Variants in S100A10 observed in about 807,000 individuals in gnomAD.
S100A10 encodes protein S100-A10.
A neutral mutation model predicts 7.1 loss-of-function variants in S100A10; 3 were observed. The observed-to-expected ratio is 0.42, with a 90% confidence interval of 0.19 to 1.10. The LOEUF is 1.10. Ranked by LOEUF, S100A10 falls within the 50% of genes least tolerant of loss-of-function variation. S100A10 has a pLI of 0.29. For synonymous variants in S100A10, 41 were observed against 39.3 expected (o/e 1.04, Z -0.16); for missense variants, 101 against 118.1 (o/e 0.86, Z 0.67).
intron 1 of S100A10, among the ~76,000 whole-genome samples, chr1:151,987,641 G>A (rs895707235): frequency 2.0e-5 from 3 of 147,984 alleles, no homozygotes; most frequent in Non-Finnish European, 4.4e-5. Flanking sequence ...CTGGATTCAC[G>A]GCATTCTCCT....
At chr1:151,985,805 T>C (rs966393815) in intron 2 of S100A10, among the ~76,000 whole-genome samples, 14 of 152,232 alleles carry the variant, frequency 9.2e-5, no homozygotes, top group African/African-American at 3.1e-4. Flanking sequence ...ACAGCTCATA[T>C]TGTGGTTATT....
At chr1:151,985,469 T>C (rs1034314880) in intron 2 of S100A10, 2 of 152,220 alleles carry the variant, frequency 1.3e-5, no homozygotes, top group South Asian at 2.1e-4. Flanking sequence ...TTCAAACTGC[T>C]CCTGTGCTGT....
At chr1:151,983,948 T>C (rs1655744687) in intron 2 of S100A10, 1 of 152,246 alleles carries the variant, frequency 6.6e-6, no homozygotes, top group Non-Finnish European at 1.5e-5. Context: ...CTGGATGTTG[T>C]ACACTGGACC....
At chr1:151,985,045 G>A (rs1655763880) in intron 2 of S100A10, 1 of 152,600 alleles carries the variant, frequency 6.6e-6, no homozygotes, top group Non-Finnish European at 1.5e-5. Context: ...AACTGATATT[G>A]ATGACATACG....
chr1:151,983,433 CTCT>C (rs1553185373), intron 2 of S100A10, 109 bp from the exon 3 acceptor site: 9 of 614,818 alleles, frequency 1.5e-5, no homozygotes, highest in Non-Finnish European at 2.0e-5. Flanking sequence ...ATTACTTGAG[CTCT>C]TGTTTTAGGT....
chr1:151,991,299 T>C (rs1317338541), intron 1 of S100A10, among the ~76,000 whole-genome samples: 1 of 152,224 alleles, frequency 6.6e-6, no homozygotes, highest in African/African-American at 2.4e-5. Flanking sequence ...GCTGTCTCTC[T>C]CACCTCTCAC....
chr1:151,991,503 G>A (rs967829149), intron 1 of S100A10, among the ~76,000 whole-genome samples: 2 of 152,168 alleles, frequency 1.3e-5, no homozygotes, highest in Non-Finnish European at 2.9e-5. Context: ...AAATCCTTTG[G>A]TAGGATGGGT....
Position 151,983,234 on chromosome 1 carries a change from G to A in S100A10, c.223C>T (p.Leu75=). 6.2e-7 allele frequency: 1 copy of A among 1,606,722 alleles called. No homozygotes were observed. The highest frequency in any genetic ancestry group is 8.5e-7 in the Non-Finnish European group (1 of 1,177,178). ...GKVGFQSFFS[L]IAGLTIACND... is the part of the protein sequence containing the mutation. ...CATGCAATGGTGAGGCCCGCAATTA[G>A]GGAAAAGAAGCTCTGGAAGCCCACT... The change falls in exon 3 of 3, where the codon CTA becomes TTA. Residue 75 remains leucine (L), a synonymous_variant. Coordinates refer to ENST00000368811, the MANE Select transcript of S100A10 (RefSeq NM_002966.3).
chr1:151,991,943 G>GA (rs764723682), intron 1 of S100A10, among the ~76,000 whole-genome samples: 4 of 152,160 alleles, frequency 2.6e-5, no homozygotes, highest in Non-Finnish European at 4.4e-5. Context: ...GCATCACCCA[G>GA]AAAGCAGGGT....
intron 1 of S100A10, among the ~76,000 whole-genome samples, chr1:151,988,809 G>C (rs1364020114): frequency 6.6e-6 from 1 of 152,132 alleles, no homozygotes; most frequent in Non-Finnish European, 1.5e-5. Context: ...GCCTGGACTG[G>C]TACTCCAAGT....
At chr1:151,984,097 T>A (rs1655746813) in intron 2 of S100A10, 1 of 152,206 alleles carries the variant, frequency 6.6e-6, no homozygotes, top group African/African-American at 2.4e-5. Flanking sequence ...GCTTCAGCAC[T>A]CCTTTTTGTA....
Position 151,983,128 on chromosome 1 carries a change from C to T in S100A10, c.*35G>A. On this transcript the variant is annotated 3_prime_UTR_variant, in exon 3 of 3. Transcript: ENST00000368811. ...TTCCTTAAGCGACCCTTTGGGACAA[C>T]TCTTATCAGGGAGGAGCGAACTGCT... 1 of 1,473,606 alleles carries T rather than the reference C, an allele frequency of 6.8e-7. No homozygotes were observed. Among genetic ancestry groups the T allele is most frequent in the South Asian group, 1.5e-5 (1 of 66,184 alleles). The allele number at this position is 1,473,606 out of a possible 1,614,324, so 91.3% of individuals were successfully genotyped here.
chr1:151,989,208 A>T (rs1446781778), intron 1 of S100A10, among the ~76,000 whole-genome samples: 1 of 152,186 alleles, frequency 6.6e-6, no homozygotes, highest in Non-Finnish European at 1.5e-5. Flanking sequence ...TCTACCTCAC[A>T]CTGTGTGAGT....
At chr1:151,986,071 G>C in intron 2 of S100A10, 28 bp downstream of exon 2, 1 of 1,564,146 alleles carries the variant, frequency 6.4e-7, no homozygotes, top group Non-Finnish European at 8.6e-7. Flanking sequence ...TTTTATGTCT[G>C]GTTCTTTGTA....
chr1:151,990,655 G>A (rs745308396), intron 1 of S100A10, among the ~76,000 whole-genome samples: 5 of 152,094 alleles, frequency 3.3e-5, no homozygotes, highest in Non-Finnish European at 4.4e-5. Flanking sequence ...TCCCAGACAT[G>A]GTGTTAGGCA....
intron 2 of S100A10, among the ~76,000 whole-genome samples, chr1:151,984,857 G>A (rs1423596777): frequency 6.6e-6 from 1 of 152,184 alleles, no homozygotes; most frequent in Non-Finnish European, 1.5e-5. Flanking sequence ...CTAGAGAGCT[G>A]AAGCAACCTG....
intron 1 of S100A10, among the ~76,000 whole-genome samples, chr1:151,988,803 G>C (rs1354661865): frequency 6.6e-6 from 1 of 152,132 alleles, no homozygotes; most frequent in East Asian, 1.9e-4. Flanking sequence ...TGCCTTGCCT[G>C]GACTGGTACT....
chr1:151,983,109 A>T lies in S100A10; in HGVS notation c.*54T>A, dbSNP rs559022205. On this transcript the variant is annotated 3_prime_UTR_variant, in exon 3 of 3. Transcript: ENST00000368811. ...GGGGAAGCTGTGGGGCAGATTCCTTAAGCGACCCTTTGGGACAACTCTTAT... is the reference window on the plus strand; with the variant it reads ...GGGGAAGCTGTGGGGCAGATTCCTTTAGCGACCCTTTGGGACAACTCTTAT... 2.3e-6 allele frequency: 3 copies of T among 1,324,860 alleles called. No homozygotes were observed. Among genetic ancestry groups the T allele is most frequent in the African/African-American group, 1.5e-5 (1 of 67,452 alleles). The allele number at this position is 1,324,860 out of a possible 1,614,324, so 82.1% of individuals were successfully genotyped here.
At chr1:151,987,368 CT>C (rs1187646059) in intron 1 of S100A10, among the ~76,000 whole-genome samples, 1 of 151,884 alleles carries the variant, frequency 6.6e-6, no homozygotes, top group East Asian at 1.9e-4. Context: ...TCTCTTGGCA[CT>C]AGTAAATGGG....
Sources: allele counts gnomAD v4.1 joint callset (sites outside exome capture counted in the v4.1 genomes callset), GRCh38; gene constraint gnomAD v4.1.1; transcripts MANE v1.5; gene names NCBI Gene and HGNC (gene_info 2026-07-23, HGNC 2026-07-21).